The following MAP3K5 variants were observed in gnomAD, a reference collection of about 807,000 sequenced individuals.
MAP3K5 encodes ASK-1.
A neutral mutation model predicts 158.7 loss-of-function variants in MAP3K5; 56 were observed. The observed-to-expected ratio is 0.35, with a 90% confidence interval of 0.28 to 0.44. MAP3K5 has a LOEUF of 0.44. Ranked by LOEUF, MAP3K5 falls within the 20% of genes least tolerant of loss-of-function variation. The probability of loss-of-function intolerance (pLI) is 1.00; values close to 1 mark genes in which losing one functional copy is unlikely to be tolerated. For synonymous variants in MAP3K5, 579 were observed against 601.7 expected, an observed-to-expected ratio of 0.96 and a Z score of 0.55; for missense variants, 1,294 against 1,674.8, an observed-to-expected ratio of 0.77 and a Z score of 3.97.
Position 136,759,454 on chromosome 6 carries a change from CTA to C in MAP3K5, c.448+32254_448+32255del, listed in dbSNP as rs570186848. 8.2e-3 allele frequency among the ~76,000 whole-genome samples: 801 copies of C among 98,018 alleles called. 29 individuals are homozygous for C. Among genetic ancestry groups the C allele is most frequent in the African/African-American group, 0.027 (701 of 25,966 alleles). The allele number at this position is 98,018 out of a possible 152,430, so 64.3% of individuals were successfully genotyped here. ...TCCTAAAATAACCTTTATACTAAAA[CTA>C]TATATATATATATATATATATATAT... On this transcript the variant is annotated intron_variant, in intron 1 of 29. Coordinates refer to ENST00000359015, the MANE Select transcript of MAP3K5 (RefSeq NM_005923.4).
chr6:136,579,896 A>G (rs1259217652), intron 25 of MAP3K5: 4 of 456,800 alleles, frequency 8.8e-6, no homozygotes, highest in Non-Finnish European at 1.3e-5. Context: ...TTTTAAAGAC[A>G]ATTAAATTGC....
Position 136,694,292 on chromosome 6 carries a change from G to A in MAP3K5, c.1101C>T (p.Asp367=). 6.2e-7 allele frequency: 1 copy of A among 1,611,290 alleles called. No individual in the cohort carries two copies. The highest frequency in any genetic ancestry group is 8.5e-7 in the Non-Finnish European group (1 of 1,179,690). ...FALNRRNLPG[D]RAKALDIMIP... is the part of the protein sequence containing the mutation. ...TCATAATATCAAGAGCTTTTGCTCT[G>A]TCACCAGGGAGATTTCTCCTAAGGC... Residue 367 remains aspartate, a synonymous_variant, in exon 7 of 30, where the codon GAC becomes GAT. Coordinates refer to ENST00000359015, the MANE Select transcript of MAP3K5 (RefSeq NM_005923.4).
chr6:136,705,334 G>A (rs576562230), intron 2 of MAP3K5, among the ~76,000 whole-genome samples: 2 of 152,080 alleles, frequency 1.3e-5, no homozygotes, highest in South Asian at 4.1e-4. Flanking sequence ...TGCCTCTGTT[G>A]CCCAGGCTGG....
At chr6:136,781,613 A>G (rs574748117) in intron 1 of MAP3K5, among the ~76,000 whole-genome samples, 2 of 152,202 alleles carry the variant, frequency 1.3e-5, no homozygotes, top group African/African-American at 2.4e-5. Context: ...TCCAACTATA[A>G]GATATAGTTA....
At chr6:136,750,848 TG>T (rs1783175288) in intron 1 of MAP3K5, among the ~76,000 whole-genome samples, 1 of 152,224 alleles carries the variant, frequency 6.6e-6, no homozygotes, top group Non-Finnish European at 1.5e-5. Flanking sequence ...AACTACAAAA[TG>T]CAAAAATTTC....
rs1248740998 is a variant in MAP3K5, at chr6:136,557,365, T to C, written c.*393A>G. The C allele has an allele frequency of 3.5e-5, 6 of 173,854 alleles. No homozygotes were observed. The Admixed American group carries it at 3.6e-4, about 10-fold the overall frequency. The allele number at this position is 173,854 out of a possible 1,614,324, so 10.8% of individuals were successfully genotyped here. A position where few individuals can be genotyped will look rare whatever the true frequency, so the allele number is the denominator to read the frequency against. ...AAACACACAGAAGCCTAAACAGTTA[T>C]GGTCACATTTTGGTTTTGTTCCAGT... On this transcript the variant is annotated 3_prime_UTR_variant, in exon 30 of 30. Transcript: ENST00000359015.
chr6:136,658,360 G>A (rs1346739003), intron 9 of MAP3K5, among the ~76,000 whole-genome samples: 1 of 123,612 alleles, frequency 8.1e-6, no homozygotes, highest in Non-Finnish European at 1.6e-5. Flanking sequence ...TGTCACCCAG[G>A]TTGAAATGCA....
intron 3 of MAP3K5, among the ~76,000 whole-genome samples, chr6:136,704,532 TA>T (rs1725525586): frequency 6.6e-6 from 1 of 152,178 alleles, no homozygotes; most frequent in Admixed American, 6.5e-5. Context: ...GAATACACTA[TA>T]AAAGATTTTC....
At chr6:136,666,221 A>G (rs1779224850) in intron 8 of MAP3K5, among the ~76,000 whole-genome samples, 1 of 152,238 alleles carries the variant, frequency 6.6e-6, no homozygotes. Context: ...GCAATTAGTC[A>G]TAACCGCAAA....
At chr6:136,633,721 C>G (rs1045351870) in intron 14 of MAP3K5, among the ~76,000 whole-genome samples, 3 of 152,144 alleles carry the variant, frequency 2.0e-5, no homozygotes, top group African/African-American at 7.2e-5. Flanking sequence ...TCTAAGAAGT[C>G]TTTCAAATTC....
intron 1 of MAP3K5, among the ~76,000 whole-genome samples, chr6:136,763,990 C>G (rs1189413532): frequency 2.0e-5 from 3 of 152,202 alleles, no homozygotes; most frequent in African/African-American, 7.2e-5. Context: ...TGACCTTGGA[C>G]TTCTCCACCT....
intron 1 of MAP3K5, among the ~76,000 whole-genome samples, chr6:136,730,263 G>A (rs1782162491): frequency 6.6e-6 from 1 of 150,948 alleles, no homozygotes; most frequent in Non-Finnish European, 1.5e-5. Flanking sequence ...CCTCCCAAGT[G>A]CTGGGATAAC....
At chr6:136,777,620 A>C (rs1441663038) in intron 1 of MAP3K5, among the ~76,000 whole-genome samples, 1 of 152,230 alleles carries the variant, frequency 6.6e-6, no homozygotes, top group Non-Finnish European at 1.5e-5. Flanking sequence ...TTTAAAAAAG[A>C]AATGTTATAT....
intron 7 of MAP3K5, among the ~76,000 whole-genome samples, chr6:136,693,882 AG>A (rs1292728977): frequency 2.0e-5 from 3 of 152,058 alleles, no homozygotes; most frequent in Non-Finnish European, 1.5e-5. Flanking sequence ...CAGTTACTGG[AG>A]AGGCTGAGGC....
chr6:136,768,673 G>A (rs1298595372), intron 1 of MAP3K5, among the ~76,000 whole-genome samples: 3 of 152,158 alleles, frequency 2.0e-5, no homozygotes, highest in Admixed American at 2.0e-4. Context: ...CAGCACTTTG[G>A]GAGGCCAAGG....
intron 1 of MAP3K5, among the ~76,000 whole-genome samples, chr6:136,768,232 T>C (rs1784040671): frequency 6.6e-6 from 1 of 152,212 alleles, no homozygotes; most frequent in Admixed American, 6.5e-5. Flanking sequence ...TTAAAACATT[T>C]TGTGCTTCAA....
chr6:136,602,071 AC>A (rs1332029329), intron 19 of MAP3K5, 92 bp from the exon 20 acceptor site: 1 of 935,690 alleles, frequency 1.1e-6, no homozygotes, highest in Non-Finnish European at 1.6e-6. Flanking sequence ...CCCCAATGCA[AC>A]AAGATCCCTT....
rs572888133 is a variant in MAP3K5, at chr6:136,584,811, T to C, written c.3226-1071A>G. Among the ~76,000 whole-genome samples the C allele has an allele frequency of 2.0e-5, 3 of 152,252 alleles. No individual in the cohort carries two copies. The South Asian group carries it at 6.2e-4, about 32-fold the overall frequency. ...GAAGTTCCTCAGGCTCATATTCTGT[T>C]TTCAGTGTCTGTGAGACTCGGCTAG... On this transcript the variant is annotated intron_variant, in intron 23 of 29. Coordinates refer to ENST00000359015, the MANE Select transcript of MAP3K5 (RefSeq NM_005923.4).
chr6:136,740,337 A>T (rs1221698985), intron 1 of MAP3K5, among the ~76,000 whole-genome samples: 1 of 151,868 alleles, frequency 6.6e-6, no homozygotes, highest in East Asian at 1.9e-4. Flanking sequence ...CCTTTTTTGG[A>T]ATCTACATCT....
Sources: gnomAD v4.1 joint callset for allele counts (sites outside exome capture counted in the v4.1 genomes callset) on GRCh38, gnomAD v4.1.1 for gene constraint, MANE v1.5 for transcripts, NCBI Gene and HGNC (gene_info 2026-07-23, HGNC 2026-07-21) for gene names.